Variants in ABLIM3 observed in about 807,000 individuals in gnomAD.
ABLIM3 encodes the protein actin-binding LIM protein 3.
In ABLIM3, 61 loss-of-function variants were observed where a neutral mutation model predicts 109.5. The ratio of observed to expected loss-of-function variants is 0.56; its 90% confidence interval spans 0.45 to 0.69. ABLIM3 has a LOEUF of 0.69. Ranked by LOEUF, ABLIM3 falls within the 30% of genes least tolerant of loss-of-function variation. The pLI is 0.00. For synonymous variants in ABLIM3, 300 were observed against 324.8 expected, an observed-to-expected ratio of 0.92 and a Z score of 0.82; for missense variants, 796 against 889.5, an observed-to-expected ratio of 0.89 and a Z score of 1.34.
chr5:149,175,171 G>T (rs1755810546), intron 2 of ABLIM3, among the ~76,000 whole-genome samples: 1 of 152,188 alleles, frequency 6.6e-6, no homozygotes, highest in Admixed American at 6.5e-5. Context: ...TTATTCCTCA[G>T]ATACTTTTTA....
chr5:149,228,960 C>A (rs1761575580), intron 8 of ABLIM3, among the ~76,000 whole-genome samples: 1 of 152,140 alleles, frequency 6.6e-6, no homozygotes. Context: ...GGACTTCTGC[C>A]CTCTTGATCT....
intron 2 of ABLIM3, among the ~76,000 whole-genome samples, chr5:149,170,707 A>G (rs1282098321): frequency 2.0e-5 from 3 of 152,136 alleles, no homozygotes; most frequent in African/African-American, 7.2e-5. Context: ...TATTTCCCCC[A>G]GACTACACAA....
At chr5:149,199,741 A>G (rs4290999) in intron 4 of ABLIM3, among the ~76,000 whole-genome samples, 102,428 of 152,116 alleles carry the variant, frequency 0.67, 34,705 homozygotes, top group African/African-American at 0.74. Flanking sequence ...GCTCAACAGT[A>G]GGCGTGGTGG....
At chr5:149,196,691 G>A (rs1429841255) in intron 3 of ABLIM3, among the ~76,000 whole-genome samples, 3 of 152,172 alleles carry the variant, frequency 2.0e-5, no homozygotes, top group Non-Finnish European at 2.9e-5. Context: ...CCTCGCTGGT[G>A]CATCCTTGCT....
chr5:149,150,814 C>T (rs372258858), intron 2 of ABLIM3, among the ~76,000 whole-genome samples: 11 of 152,226 alleles, frequency 7.2e-5, no homozygotes, highest in African/African-American at 2.7e-4. Context: ...GACTCAAATT[C>T]TAGCCCTGCT....
intron 2 of ABLIM3, among the ~76,000 whole-genome samples, chr5:149,160,077 A>AT (rs969578702): frequency 1.3e-4 from 20 of 152,266 alleles, no homozygotes; most frequent in African/African-American, 4.6e-4. Flanking sequence ...TTCCCACAGA[A>AT]TGATAAACTC....
intron 3 of ABLIM3, among the ~76,000 whole-genome samples, chr5:149,195,764 A>G (rs919797877): frequency 6.6e-6 from 1 of 152,230 alleles, no homozygotes; most frequent in African/African-American, 2.4e-5. Flanking sequence ...TGCTCGTGAG[A>G]CCAGACATTG....
intron 8 of ABLIM3, among the ~76,000 whole-genome samples, chr5:149,222,850 A>G (rs1760800490): frequency 6.6e-6 from 1 of 152,032 alleles, no homozygotes; most frequent in Non-Finnish European, 1.5e-5. Flanking sequence ...GCATTTCATG[A>G]AACCACCCTC....
chr5:149,238,385 G>T (rs1278052583), intron 11 of ABLIM3, among the ~76,000 whole-genome samples: 1 of 152,140 alleles, frequency 6.6e-6, no homozygotes, highest in Non-Finnish European at 1.5e-5. Context: ...CCTCAGGCAA[G>T]TTCCCTTCCT....
intron 1 of ABLIM3, 108 bp from the exon 2 acceptor site, chr5:149,141,901 C>T (rs1241128169): frequency 3.9e-6 from 3 of 765,624 alleles, no homozygotes; most frequent in Non-Finnish European, 6.7e-6. Context: ...TATTAGTCCA[C>T]GCGCCTTCAA....
chr5:149,215,287 G>A (rs745791874), intron 7 of ABLIM3, among the ~76,000 whole-genome samples: 4 of 152,150 alleles, frequency 2.6e-5, no homozygotes, highest in Non-Finnish European at 5.9e-5. Context: ...ACACATTCCA[G>A]CTTAGGAAAA....
chr5:149,201,935 G>A (rs956498984), intron 5 of ABLIM3, among the ~76,000 whole-genome samples: 1 of 152,230 alleles, frequency 6.6e-6, no homozygotes, highest in Non-Finnish European at 1.5e-5. Context: ...AAAGAGGGAT[G>A]GAATTTCCTA....
intron 4 of ABLIM3, chr5:149,199,049 C>T (rs1758254149): frequency 2.2e-6 from 1 of 456,686 alleles, no homozygotes; most frequent in South Asian, 1.5e-5. Flanking sequence ...CTCAGGACAT[C>T]TCCAGGGATG....
chr5:149,196,867 G>A (rs1758027306), intron 3 of ABLIM3, among the ~76,000 whole-genome samples: 1 of 152,154 alleles, frequency 6.6e-6, no homozygotes, highest in Non-Finnish European at 1.5e-5. Context: ...TTCAGTGGGG[G>A]TGGATCTCAC....
At chr5:149,152,068 A>T (rs1194100472) in intron 2 of ABLIM3, among the ~76,000 whole-genome samples, 1 of 152,192 alleles carries the variant, frequency 6.6e-6, no homozygotes, top group African/African-American at 2.4e-5. Flanking sequence ...GGAAATTGGG[A>T]AATCAGAAGT....
chr5:149,256,131 G>C (rs1318950091), intron 23 of ABLIM3, among the ~76,000 whole-genome samples: 1 of 152,232 alleles, frequency 6.6e-6, no homozygotes, highest in Non-Finnish European at 1.5e-5. Flanking sequence ...GAGGGAGAAA[G>C]GAGGCCCCAG....
Position 149,189,158 on chromosome 5 carries a change from C to CA in ABLIM3, c.151+5575dup, listed in dbSNP as rs374856289. 4.2e-3 allele frequency among the ~76,000 whole-genome samples: 643 copies of CA among 152,008 alleles called. 6 individuals carry two copies. The highest frequency in any genetic ancestry group is 0.014 in the African/African-American group (575 of 41,494). On this transcript the variant is annotated intron_variant, in intron 3 of 23. Transcript: ENST00000309868. ...GTTTGGAAAACTGAATATTCATATG[C>CA]AAAAAATGAATTCACACTCTTTCTT... is the stretch of plus-strand genomic sequence containing the variant.
chr5:149,225,955 A>ATAT (rs61230321), intron 8 of ABLIM3, among the ~76,000 whole-genome samples: 3 of 103,544 alleles, frequency 2.9e-5, no homozygotes, highest in African/African-American at 1.1e-4. Context: ...GTATGTATAT[A>ATAT]ATATGTGTGT....
Position 149,183,511 on chromosome 5 carries a change from C to T in ABLIM3, c.73C>T (p.Arg25Cys), listed in dbSNP as rs200588080. The change falls in exon 3 of 24, where the codon CGC becomes TGC. Residue 25 changes from arginine (R) to cysteine (C), a missense_variant. Transcript: ENST00000309868. ...CAGCTCCAATGTCATCCAGTGCTAC[C>T]GCTGTGGAGACACCTGCAAAGGGGA... ...RGSSNVIQCY[R>C]CGDTCKGEVV... is the part of the protein sequence containing the mutation. 96 of 1,599,394 alleles carry T rather than the reference C, an allele frequency of 6.0e-5. No homozygotes were observed. The highest frequency in any genetic ancestry group is 1.7e-4 in the Middle Eastern group (1 of 6,036).
Sources: gnomAD v4.1 joint callset for allele counts (sites outside exome capture counted in the v4.1 genomes callset) on GRCh38, gnomAD v4.1.1 for gene constraint, MANE v1.5 for transcripts, NCBI Gene and HGNC (gene_info 2026-07-23, HGNC 2026-07-21) for gene names.